Variants in AFG1L observed in about 807,000 individuals in gnomAD.
AFG1L encodes AFG1-like ATPase.
In AFG1L, 53 loss-of-function variants were observed where a neutral mutation model predicts 62.2. That is an observed-to-expected ratio of 0.85 (90% CI 0.68 to 1.07). The LOEUF is 1.07. AFG1L is among the 50% of genes least tolerant of loss of function. The pLI is 0.00. For missense variants in AFG1L, 555 were observed against 590.5 expected (o/e 0.94, Z 0.62); for synonymous variants, 228 against 210.3 (o/e 1.08, Z -0.73).
chr6:108,452,528 C>G (rs557824700), intron 8 of AFG1L, among the ~76,000 whole-genome samples: 1 of 152,176 alleles, frequency 6.6e-6, no homozygotes, highest in African/African-American at 2.4e-5. Flanking sequence ...CACACAGATG[C>G]CGTAACCTCA....
At chr6:108,321,906 G>C (rs1777824420) in intron 1 of AFG1L, among the ~76,000 whole-genome samples, 1 of 152,168 alleles carries the variant, frequency 6.6e-6, no homozygotes, top group Non-Finnish European at 1.5e-5. Context: ...TTTGGAGAGA[G>C]AGTCTCACTC....
At chr6:108,488,651 AG>A (rs1773658327) in intron 10 of AFG1L, among the ~76,000 whole-genome samples, 1 of 151,786 alleles carries the variant, frequency 6.6e-6, no homozygotes, top group African/African-American at 2.4e-5. Flanking sequence ...TGAGCTCAGG[AG>A]TTCGAGACCA....
intron 6 of AFG1L, among the ~76,000 whole-genome samples, chr6:108,400,177 T>C (rs1183907141): frequency 6.6e-6 from 1 of 152,158 alleles, no homozygotes; most frequent in Non-Finnish European, 1.5e-5. Flanking sequence ...TTGGAAGCCC[T>C]TTATTTCTTT....
intron 3 of AFG1L, among the ~76,000 whole-genome samples, chr6:108,349,456 T>C (rs1201225970): frequency 6.7e-6 from 1 of 150,200 alleles, no homozygotes; most frequent in Non-Finnish European, 1.5e-5. Flanking sequence ...TGCACTCCAG[T>C]CTGGGCAACA....
At chr6:108,424,915 A>G (rs1770747033) in intron 7 of AFG1L, among the ~76,000 whole-genome samples, 1 of 151,914 alleles carries the variant, frequency 6.6e-6, no homozygotes, top group Non-Finnish European at 1.5e-5. Context: ...CACTGCCATC[A>G]CTCTTGGTTT....
At chr6:108,472,969 T>G (rs1463283948) in intron 8 of AFG1L, among the ~76,000 whole-genome samples, 1 of 151,840 alleles carries the variant, frequency 6.6e-6, no homozygotes, top group Middle Eastern at 3.2e-3. Context: ...TGCCGGCTAA[T>G]TTTTGTATTT....
At chr6:108,466,980 T>A (rs1449667357) in intron 8 of AFG1L, among the ~76,000 whole-genome samples, 10 of 151,748 alleles carry the variant, frequency 6.6e-5, no homozygotes, top group Non-Finnish European at 1.5e-5. Flanking sequence ...CTCACAAACA[T>A]AATATTGAGT....
chr6:108,424,972 A>C (rs967368648), intron 7 of AFG1L, among the ~76,000 whole-genome samples: 3 of 152,152 alleles, frequency 2.0e-5, no homozygotes, highest in Admixed American at 1.3e-4. Flanking sequence ...TTTCCTAAGA[A>C]AACTGGACAA....
intron 8 of AFG1L, among the ~76,000 whole-genome samples, chr6:108,465,712 A>G (rs918617666): frequency 1.3e-5 from 2 of 152,092 alleles, no homozygotes. Flanking sequence ...TGTGTTCTTA[A>G]ATTTTCCTAC....
chr6:108,318,315 A>G (rs949537069), intron 1 of AFG1L: 5 of 399,820 alleles, frequency 1.3e-5, no homozygotes, highest in Middle Eastern at 6.1e-4. Flanking sequence ...GTTGAGCCCA[A>G]CTGCAGATCT....
At chr6:108,517,124 A>C (rs1245658127) in intron 11 of AFG1L, among the ~76,000 whole-genome samples, 1 of 152,306 alleles carries the variant, frequency 6.6e-6, no homozygotes, top group East Asian at 1.9e-4. Flanking sequence ...GCTACCAATG[A>C]TTTTCTTCAC....
chr6:108,421,010 T>G (rs1770563204), intron 7 of AFG1L, among the ~76,000 whole-genome samples: 1 of 152,132 alleles, frequency 6.6e-6, no homozygotes, highest in African/African-American at 2.4e-5. Context: ...TAATGTGAAA[T>G]AAAATTCTCC....
At chr6:108,301,690 A>T (rs1169150509) in intron 1 of AFG1L, among the ~76,000 whole-genome samples, 1 of 152,264 alleles carries the variant, frequency 6.6e-6, no homozygotes, top group African/African-American at 2.4e-5. Flanking sequence ...ACAGTAAGGT[A>T]AAATAAATAA....
intron 6 of AFG1L, among the ~76,000 whole-genome samples, chr6:108,392,835 T>C (rs1280920208): frequency 6.6e-6 from 1 of 152,118 alleles, no homozygotes; most frequent in African/African-American, 2.4e-5. Flanking sequence ...TTTTAAAAGT[T>C]TTTGTTACTC....
At chr6:108,398,602 G>C (rs1314145993) in intron 6 of AFG1L, among the ~76,000 whole-genome samples, 1 of 152,146 alleles carries the variant, frequency 6.6e-6, no homozygotes, top group Non-Finnish European at 1.5e-5. Flanking sequence ...TTAAATTTAA[G>C]TCTTTATTTT....
intron 2 of AFG1L, among the ~76,000 whole-genome samples, chr6:108,343,895 G>T (rs1778772058): frequency 6.6e-6 from 1 of 152,160 alleles, no homozygotes; most frequent in Admixed American, 6.6e-5. Context: ...GGTCTAGAAG[G>T]CACAAGCTAC....
At chr6:108,333,019 A>G (rs1213162551) in intron 2 of AFG1L, among the ~76,000 whole-genome samples, 1 of 152,270 alleles carries the variant, frequency 6.6e-6, no homozygotes, top group Non-Finnish European at 1.5e-5. Context: ...GATACATTTG[A>G]CTATGTTAAA....
chr6:108,316,655 TC>T (rs1213037981), intron 1 of AFG1L, among the ~76,000 whole-genome samples: 1 of 149,464 alleles, frequency 6.7e-6, no homozygotes, highest in Non-Finnish European at 1.5e-5. Context: ...TGCCTCAGCC[TC>T]CGAGTAGCTG....
chr6:108,475,208 G>T (rs1010089736), intron 8 of AFG1L, among the ~76,000 whole-genome samples: 1 of 152,116 alleles, frequency 6.6e-6, no homozygotes, highest in African/African-American at 2.4e-5. Context: ...TAGATGTGTG[G>T]TCTTATTTCT....
Sources: allele counts gnomAD v4.1 joint callset (sites outside exome capture counted in the v4.1 genomes callset), GRCh38; gene constraint gnomAD v4.1.1; transcripts MANE v1.5; gene names NCBI Gene and HGNC (gene_info 2026-07-23, HGNC 2026-07-21).